TMEM233: variants seen among roughly 807,000 people sequenced by gnomAD.
TMEM233 encodes dispanin subfamily B member 2.
TMEM233 carries 6 observed loss-of-function variants against 11.2 expected under a neutral mutation model. The ratio of observed to expected loss-of-function variants is 0.54; its 90% confidence interval spans 0.29 to 1.06. The LOEUF (loss-of-function observed/expected upper bound fraction) is 1.06, where lower values mean the gene tolerates loss of function less well. Ranked by LOEUF, TMEM233 falls within the 50% of genes least tolerant of loss-of-function variation. TMEM233 has a pLI of 0.08. For missense variants in TMEM233, 127 were observed against 144.7 expected, an observed-to-expected ratio of 0.88 and a Z score of 0.63; for synonymous variants, 59 against 55.8, an observed-to-expected ratio of 1.06 and a Z score of -0.26.
At chr12:119,610,395 A>C (rs1954370008) in intron 1 of TMEM233, among the ~76,000 whole-genome samples, 1 of 152,058 alleles carries the variant, frequency 6.6e-6, no homozygotes, top group Non-Finnish European at 1.5e-5. Flanking sequence ...TGACTGTTGG[A>C]AGGGCATGAT....
chr12:119,646,691 A>C (rs952635727), downstream of TMEM233, among the ~76,000 whole-genome samples: 1 of 152,128 alleles, frequency 6.6e-6, no homozygotes, highest in Non-Finnish European at 1.5e-5. Flanking sequence ...TTCACACTGC[A>C]TCTCTTTTGT....
intron 1 of TMEM233, among the ~76,000 whole-genome samples, chr12:119,600,410 G>C (rs1314597225): frequency 1.4e-5 from 2 of 146,912 alleles, no homozygotes; most frequent in Non-Finnish European, 3.0e-5. Flanking sequence ...AACAGCAGAA[G>C]CTCCTTTGAG....
chr12:119,607,348 G>A (rs113855099), intron 1 of TMEM233, among the ~76,000 whole-genome samples: 3 of 152,090 alleles, frequency 2.0e-5, no homozygotes, highest in South Asian at 2.1e-4. Context: ...CTCCAGTGGC[G>A]CAATCGGTTA....
At position 119,629,789 on chromosome 12, in the gene TMEM233, G is replaced by C. The variant is rs1307473610; in HGVS notation, c.240G>C (p.Arg80=). Reference sequence around the variant, plus strand: ...ACGAAGGAGCCAGGCGGCTTGGGCGGAATGCTAAGTGGGTAGCCATCGCCT... The same window carrying C: ...ACGAAGGAGCCAGGCGGCTTGGGCGCAATGCTAAGTGGGTAGCCATCGCCT... ...GDYEGARRLG[R]NAKWVAIASI... The change falls in exon 2 of 3, where the codon CGG becomes CGC. Residue 80 remains arginine, a synonymous_variant. Coordinates refer to ENST00000426426, the MANE Select transcript of TMEM233 (RefSeq NM_001136534.3). The C allele has an allele frequency of 6.4e-7, 1 of 1,551,580 alleles. No homozygotes were observed. The highest frequency in any genetic ancestry group is 1.4e-5 in the African/African-American group (1 of 73,052).
chr12:119,615,179 A>C (rs1280418610), intron 1 of TMEM233, among the ~76,000 whole-genome samples: 2 of 7,028 alleles, frequency 2.8e-4, no homozygotes, highest in Non-Finnish European at 8.4e-4. Flanking sequence ...CTGCTAAAAA[A>C]AAAAAAAAAA....
chr12:119,612,458 C>CA (rs770880884), intron 1 of TMEM233, among the ~76,000 whole-genome samples: 3 of 151,996 alleles, frequency 2.0e-5, no homozygotes, highest in African/African-American at 4.8e-5. Context: ...TCAAAAAATA[C>CA]AAAAAATTGG....
At chr12:119,643,813 A>G (rs1566118006), downstream of TMEM233, among the ~76,000 whole-genome samples, 1 of 152,024 alleles carries the variant, frequency 6.6e-6, no homozygotes, top group African/African-American at 2.4e-5. Flanking sequence ...CTCCTTCATC[A>G]GCCAGTTACA....
chr12:119,608,545 C>CA (rs1426745672), intron 1 of TMEM233, among the ~76,000 whole-genome samples: 4 of 152,182 alleles, frequency 2.6e-5, no homozygotes, highest in African/African-American at 7.2e-5. Flanking sequence ...CCTGGGCCTC[C>CA]AGCCTTCTCT....
At chr12:119,645,339 A>AAAAAAAAAAC (rs1955136647), downstream of TMEM233, among the ~76,000 whole-genome samples, 1 of 151,340 alleles carries the variant, frequency 6.6e-6, no homozygotes, top group Non-Finnish European at 1.5e-5. Flanking sequence ...AAAAAAAAAA[A>AAAAAAAAAAC]TCTTGTAAGA....
the TMEM233 span, among the ~76,000 whole-genome samples, chr12:119,650,169 A>AAAG: frequency 6.6e-6 from 1 of 151,774 alleles, no homozygotes; most frequent in East Asian, 1.9e-4. Context: ...AAAAAAAAAA[A>AAAG]AAAAGTGGGT....
chr12:119,610,245 C>A (rs140826531), intron 1 of TMEM233, among the ~76,000 whole-genome samples: 1 of 152,324 alleles, frequency 6.6e-6, no homozygotes, highest in African/African-American at 2.4e-5. Flanking sequence ...TTACCCAATG[C>A]CTGTACTCCT....
At chr12:119,596,609 A>T (rs1593271764) in intron 1 of TMEM233, among the ~76,000 whole-genome samples, 1 of 137,208 alleles carries the variant, frequency 7.3e-6, no homozygotes, top group East Asian at 2.2e-4. Context: ...CTTCCACCCC[A>T]GCCACCCCAA....
At chr12:119,619,125 C>T (rs768152488) in intron 1 of TMEM233, among the ~76,000 whole-genome samples, 1 of 152,168 alleles carries the variant, frequency 6.6e-6, no homozygotes, top group East Asian at 1.9e-4. Flanking sequence ...CTCCTTCACT[C>T]AGCACTCATT....
chr12:119,641,085 G>A lies in TMEM233; in HGVS notation c.*380G>A. Reference sequence around the variant, plus strand: ...TCCAGGGGGTCTCCATATAGGGGGAGATGGAGGTTTCTAGGAAGAGCAGCA... The same window carrying A: ...TCCAGGGGGTCTCCATATAGGGGGAAATGGAGGTTTCTAGGAAGAGCAGCA... On this transcript the variant is annotated 3_prime_UTR_variant, in exon 3 of 3. Coordinates refer to ENST00000426426, the MANE Select transcript of TMEM233 (RefSeq NM_001136534.3). 1 of 213,838 alleles carries A rather than the reference G, an allele frequency of 4.7e-6. No individual in the cohort carries two copies. Among genetic ancestry groups the A allele is most frequent in the Non-Finnish European group, 9.3e-6 (1 of 107,944 alleles). The allele number at this position is 213,838 out of a possible 1,614,324, so 13.2% of individuals were successfully genotyped here. A position where few individuals can be genotyped will look rare whatever the true frequency, so the allele number is the denominator to read the frequency against.
At chr12:119,629,550 C>G (rs973182746) in intron 1 of TMEM233, among the ~76,000 whole-genome samples, 186 bp from the exon 2 acceptor site, 2 of 152,164 alleles carry the variant, frequency 1.3e-5, no homozygotes, top group African/African-American at 4.8e-5. Flanking sequence ...GTTAACTCAT[C>G]CTTAGAGTTT....
chr12:119,643,660 C>T (rs188519266), downstream of TMEM233, among the ~76,000 whole-genome samples: 64 of 151,748 alleles, frequency 4.2e-4, no homozygotes, highest in African/African-American at 1.4e-3. Context: ...CCCAGCTACT[C>T]GGGAGGCTGA....
intron 1 of TMEM233, among the ~76,000 whole-genome samples, chr12:119,607,474 A>T (rs907649164): frequency 2.0e-5 from 3 of 152,180 alleles, no homozygotes; most frequent in Non-Finnish European, 4.4e-5. Flanking sequence ...AAATATTCCT[A>T]TCAAAAGTTT....
downstream of TMEM233, among the ~76,000 whole-genome samples, chr12:119,646,061 CT>C (rs958650531): frequency 5.8e-4 from 30 of 51,494 alleles, no homozygotes; most frequent in East Asian, 3.0e-3. Flanking sequence ...ATTACAGTAG[CT>C]TTTTTTTTTT....
At chr12:119,619,651 A>T (rs1954604472) in intron 1 of TMEM233, among the ~76,000 whole-genome samples, 1 of 152,110 alleles carries the variant, frequency 6.6e-6, no homozygotes, top group Non-Finnish European at 1.5e-5. Flanking sequence ...AAGAAAAAAA[A>T]AAAAACACAC....
Sources: gnomAD v4.1 joint callset for allele counts (sites outside exome capture counted in the v4.1 genomes callset) on GRCh38, gnomAD v4.1.1 for gene constraint, MANE v1.5 for transcripts, NCBI Gene and HGNC (gene_info 2026-07-23, HGNC 2026-07-21) for gene names.